AKT3: variants seen among roughly 807,000 people sequenced by gnomAD.
The protein encoded by AKT3 is RAC-gamma serine/threonine-protein kinase.
Under a neutral mutation model 65.3 loss-of-function variants are expected in AKT3, and 15 were observed. The ratio of observed to expected loss-of-function variants is 0.23; its 90% confidence interval spans 0.15 to 0.35. The LOEUF (loss-of-function observed/expected upper bound fraction) is 0.35. AKT3 is among the 10% of genes least tolerant of loss of function. The probability of loss-of-function intolerance (pLI) is 1.00; values close to 1 mark genes in which losing one functional copy is unlikely to be tolerated. For synonymous variants in AKT3, 206 were observed against 183.8 expected (o/e 1.12, Z -0.98); for missense variants, 243 against 576.5 (o/e 0.42, Z 5.92).
intron 2 of AKT3, among the ~76,000 whole-genome samples, chr1:243,771,802 T>C (rs995956730): frequency 6.6e-6 from 1 of 152,012 alleles, no homozygotes; most frequent in African/African-American, 2.4e-5. Context: ...TACAAGGCTA[T>C]AGTAACCAAA....
chr1:243,529,314 T>C (rs2148408937), intron 12 of AKT3, among the ~76,000 whole-genome samples: 1 of 152,250 alleles, frequency 6.6e-6, no homozygotes, highest in South Asian at 2.1e-4. Flanking sequence ...AGGTCAAGTT[T>C]TGTTTTTGTT....
chr1:243,803,059 G>A lies in AKT3; in HGVS notation c.46+40066C>T, dbSNP rs1177652290. 2.0e-5 allele frequency among the ~76,000 whole-genome samples: 3 copies of A among 152,260 alleles called. No homozygotes were observed. In the East Asian group the frequency reaches 5.8e-4, roughly 29 times the overall value. On this transcript the variant is annotated intron_variant, in intron 2 of 13. Coordinates refer to ENST00000673466, the MANE Select transcript of AKT3 (RefSeq NM_005465.7). ...GCTACTAGGGAGGCTGTGGCAGGAGGATGTCCTGAGCCCAGGAGTTCAAGG... is the reference window on the plus strand; with the variant it reads ...GCTACTAGGGAGGCTGTGGCAGGAGAATGTCCTGAGCCCAGGAGTTCAAGG...
intron 3 of AKT3, among the ~76,000 whole-genome samples, chr1:243,694,339 A>G (rs1684918714): frequency 6.6e-6 from 1 of 152,188 alleles, no homozygotes; most frequent in African/African-American, 2.4e-5. Flanking sequence ...AAGTCAATAC[A>G]AAATACAATA....
At chr1:243,702,805 C>G (rs952490362) in intron 2 of AKT3, 2 of 152,038 alleles carry the variant, frequency 1.3e-5, no homozygotes, top group Admixed American at 6.6e-5. Flanking sequence ...TTTTGAATAT[C>G]AGGATATCAG....
At chr1:243,739,631 CAG>C (rs1314605353) in intron 2 of AKT3, 2 of 152,188 alleles carry the variant, frequency 1.3e-5, no homozygotes, top group Admixed American at 1.3e-4. Context: ...TATTCAAAAA[CAG>C]AGATCATTCA....
chr1:243,629,685 A>G (rs924240347), intron 6 of AKT3, among the ~76,000 whole-genome samples: 1 of 151,866 alleles, frequency 6.6e-6, no homozygotes, highest in Non-Finnish European at 1.5e-5. Flanking sequence ...CCAGCTACTC[A>G]GGAGGCTGAG....
At chr1:243,716,372 T>C (rs1686513059) in intron 2 of AKT3, among the ~76,000 whole-genome samples, 1 of 152,220 alleles carries the variant, frequency 6.6e-6, no homozygotes, top group Non-Finnish European at 1.5e-5. Flanking sequence ...ATGTGAATAA[T>C]TTCTCATAAG....
intron 8 of AKT3, among the ~76,000 whole-genome samples, chr1:243,591,114 C>T (rs1676195711): frequency 1.3e-5 from 2 of 151,332 alleles, no homozygotes; most frequent in South Asian, 2.1e-4. Flanking sequence ...GAAGACAGTA[C>T]CAAAGACAGA....
intron 8 of AKT3, among the ~76,000 whole-genome samples, chr1:243,574,369 CAAT>C (rs965310712): frequency 5.3e-5 from 8 of 150,610 alleles, no homozygotes; most frequent in Non-Finnish European, 3.0e-5. Flanking sequence ...TGTAGCACAA[CAAT>C]AATTATATTA....
intron 2 of AKT3, among the ~76,000 whole-genome samples, chr1:243,826,485 T>G (rs1694175812): frequency 6.6e-6 from 1 of 152,200 alleles, no homozygotes; most frequent in Non-Finnish European, 1.5e-5. Flanking sequence ...GAAAAGTAAG[T>G]CTGATAGCGA....
At chr1:243,796,328 C>T (rs1180861927) in intron 2 of AKT3, among the ~76,000 whole-genome samples, 1 of 152,334 alleles carries the variant, frequency 6.6e-6, no homozygotes, top group Middle Eastern at 3.4e-3. Flanking sequence ...TCTCAGGATA[C>T]TGACTTAAGG....
intron 3 of AKT3, among the ~76,000 whole-genome samples, chr1:243,692,907 CATTA>C: frequency 6.6e-6 from 1 of 152,020 alleles, no homozygotes; most frequent in Non-Finnish European, 1.5e-5. Flanking sequence ...TTTTCCCCTA[CATTA>C]GCAATTAAGT....
chr1:243,818,292 G>A (rs540400889), intron 2 of AKT3: 4 of 152,168 alleles, frequency 2.6e-5, no homozygotes, highest in Non-Finnish European at 5.9e-5. Context: ...TCATGAGGTA[G>A]ATAGGTACTA....
intron 4 of AKT3, among the ~76,000 whole-genome samples, chr1:243,647,004 C>T (rs1680871464): frequency 6.6e-6 from 1 of 152,154 alleles, no homozygotes; most frequent in African/African-American, 2.4e-5. Context: ...TGGATTTTGA[C>T]TGGAATTACA....
Position 243,557,463 on chromosome 1 carries a change from T to G in AKT3, c.949-4520A>C, listed in dbSNP as rs535608569. On this transcript the variant is annotated intron_variant, in intron 10 of 13. Coordinates refer to ENST00000673466, the MANE Select transcript of AKT3 (RefSeq NM_005465.7). ...AAGTTAGGGCGAAAAATAGCTACTT[T>G]AAGAACTGACAGACCTCTAAGTAAG... Among the ~76,000 whole-genome samples, 28 of 152,192 alleles carry G rather than the reference T, an allele frequency of 1.8e-4. 2 individuals are homozygous for G. Among genetic ancestry groups the G allele is most frequent in the Admixed American group, 1.6e-3 (25 of 15,256 alleles).
At chr1:243,815,517 C>T (rs1373028760) in intron 2 of AKT3, among the ~76,000 whole-genome samples, 4 of 150,096 alleles carry the variant, frequency 2.7e-5, no homozygotes, top group African/African-American at 9.8e-5. Flanking sequence ...ACTAATGTTT[C>T]AAAATCCTTC....
chr1:243,542,735 C>T (rs759905107), intron 12 of AKT3, among the ~76,000 whole-genome samples: 1 of 152,044 alleles, frequency 6.6e-6, no homozygotes, highest in Non-Finnish European at 1.5e-5. Context: ...AGCTACTAAC[C>T]CCCAGGCTGG....
At chr1:243,714,990 T>C (rs554817030) in intron 2 of AKT3, among the ~76,000 whole-genome samples, 1 of 152,222 alleles carries the variant, frequency 6.6e-6, no homozygotes, top group African/African-American at 2.4e-5. Flanking sequence ...ATCCTTTAAA[T>C]TTCAAGTGGA....
At chr1:243,526,779 T>A (rs75087325) in intron 12 of AKT3, among the ~76,000 whole-genome samples, 13,004 of 15,180 alleles carry the variant, frequency 0.86, 5,649 homozygotes, top group South Asian at 0.95. Context: ...AAAAAATGGT[T>A]AAAAAAAAAA....
Sources: allele counts gnomAD v4.1 joint callset (sites outside exome capture counted in the v4.1 genomes callset), GRCh38; gene constraint gnomAD v4.1.1; transcripts MANE v1.5; gene names NCBI Gene and HGNC (gene_info 2026-07-23, HGNC 2026-07-21).